HSPA8: variants seen among roughly 807,000 people sequenced by gnomAD.
HSPA8 encodes the protein heat shock protein family A (Hsp70) member 8.
In HSPA8, 2 loss-of-function variants were observed where a neutral mutation model predicts 52.8. The observed-to-expected ratio is 0.04, with a 90% CI of 0.02 to 0.12. HSPA8 has a LOEUF of 0.12. Among genes scored for constraint, HSPA8 ranks in the 10% least tolerant of loss-of-function variants. The pLI is 1.00. For synonymous variants in HSPA8, 436 were observed against 274.0 expected, an observed-to-expected ratio of 1.59 and a Z score of -5.84; for missense variants, 349 against 800.5, an observed-to-expected ratio of 0.44 and a Z score of 6.81.
chr11:123,058,927 A>G, intron 6 of HSPA8, 97 bp from the exon 7 acceptor site: 2 of 1,400,116 alleles, frequency 1.4e-6, no homozygotes, highest in Non-Finnish European at 2.0e-6. Flanking sequence ...ACATCCAAGG[A>G]AGGAACTGGC....
chr11:123,060,089 C>G (rs1013205195), intron 4 of HSPA8, 27 bp downstream of exon 4: 1 of 1,613,984 alleles, frequency 6.2e-7, no homozygotes, highest in South Asian at 1.1e-5. Flanking sequence ...TAAAATAATC[C>G]GAACTTGCAT....
At chr11:123,062,017 C>G (rs772253942) in intron 1 of HSPA8, 47 bp downstream of exon 1, 10 of 153,494 alleles carry the variant, frequency 6.5e-5, no homozygotes, top group African/African-American at 1.9e-4. Flanking sequence ...TGTGTGGAGG[C>G]TGCACGCTCC....
intron 7 of HSPA8, 72 bp downstream of exon 7, chr11:123,058,560 C>G: frequency 1.3e-6 from 2 of 1,560,344 alleles, no homozygotes; most frequent in South Asian, 2.2e-5. Flanking sequence ...CTTAGCTAGA[C>G]GCCCTTAGGC....
Position 123,059,400 on chromosome 11 carries a change from T to TG in HSPA8, c.1120+72_1120+73insC, listed in dbSNP as rs1555074466. 352 of 1,428,066 alleles carry TG rather than the reference T, an allele frequency of 2.5e-4. 3 individuals are homozygous for TG. The highest frequency in any genetic ancestry group is 2.3e-3 in the African/African-American group (160 of 70,396). 88.5% of individuals were successfully genotyped at this position (1,428,066 alleles called of 1,614,324 possible). On this transcript the variant is annotated intron_variant, in intron 5 of 8. Coordinates refer to ENST00000534624, the MANE Select transcript of HSPA8 (RefSeq NM_006597.6). ...AGCTTTTGGTGGAAACTACGAATGT[T>TG]TAACAATCACTCATCACAGCGAGTC... is the stretch of plus-strand genomic sequence containing the variant.
At position 123,060,045 on chromosome 11, in the gene HSPA8, T is replaced by C. The variant is rs200266481; in HGVS notation, c.565-17A>G. The C allele has an allele frequency of 6.2e-7, 1 of 1,613,884 alleles. No individual in the cohort carries two copies. The highest frequency in any genetic ancestry group is 1.3e-5 in the African/African-American group (1 of 74,888). Reference sequence around the variant, plus strand: ...TGCTCCAACCTGCCGTTAAAAACAATCTCATTTAAATTTACGATGGATCAA... The same window carrying C: ...TGCTCCAACCTGCCGTTAAAAACAACCTCATTTAAATTTACGATGGATCAA... On this transcript the variant is annotated splice_polypyrimidine_tract_variant and intron_variant, in intron 4 of 8. Coordinates refer to ENST00000534624, the MANE Select transcript of HSPA8 (RefSeq NM_006597.6).
rs748355748 is a variant in HSPA8 at position 123,059,203 on chromosome 11, G to A, written c.1179C>T (p.Leu393=). Residue 393 remains leucine, a synonymous_variant, in exon 6 of 9, where the codon CTC becomes CTT. Coordinates refer to ENST00000534624, the MANE Select transcript of HSPA8 (RefSeq NM_006597.6). ...CAAGGGAAAGAGGAGTGACATCCAA[G>A]AGCAGCAAATCTTGAACATTCTCAG... The part of the protein sequence containing the change: ...DKSENVQDLL[L]LDVTPLSLGI... The A allele has an allele frequency of 8.7e-6, 14 of 1,612,298 alleles. No homozygotes were observed. The highest frequency in any genetic ancestry group is 1.1e-5 in the Non-Finnish European group (13 of 1,179,948).
Position 123,058,296 on chromosome 11 carries a change from G to A in HSPA8, c.1711C>T (p.Leu571=). Residue 571 remains leucine, a synonymous_variant, in exon 8 of 9, where the codon CTG becomes TTG. Coordinates refer to ENST00000534624, the MANE Select transcript of HSPA8 (RefSeq NM_006597.6). The part of the protein sequence containing the change: ...KINDEDKQKI[L]DKCNEIINWL... ...TTGATAATTTCATTACACTTGTCCA[G>A]AATCTTCTGTTTGTCCTCATCGTTA... is the stretch of plus-strand genomic sequence containing the variant. 4 of 1,609,350 alleles carry A rather than the reference G, an allele frequency of 2.5e-6. No homozygotes were observed. Among genetic ancestry groups the A allele is most frequent in the South Asian group, 1.1e-5 (1 of 90,934 alleles).
At chr11:123,058,155 ATT>A in intron 8 of HSPA8, 95 bp downstream of exon 8, 2 of 850,594 alleles carry the variant, frequency 2.4e-6, no homozygotes, top group African/African-American at 1.8e-5. Context: ...ACCATTCATC[ATT>A]GTGACCCTAC....
chr11:123,061,117 C>CA lies in HSPA8; in HGVS notation c.205+2dup. 2 of 1,612,574 alleles carry CA rather than the reference C, an allele frequency of 1.2e-6. No individual in the cohort carries two copies. Among genetic ancestry groups the CA allele is most frequent in the South Asian group, 1.1e-5 (1 of 91,034 alleles). On this transcript the variant is annotated splice_region_variant and intron_variant, in intron 2 of 8. Coordinates refer to ENST00000534624, the MANE Select transcript of HSPA8 (RefSeq NM_006597.6). ...GTTCTGTCATTTAAAATTAGGAACTCACCAAAAACTGTGTTGGTGGGGTTC... is the reference window on the plus strand; with the variant it reads ...GTTCTGTCATTTAAAATTAGGAACTCAACCAAAAACTGTGTTGGTGGGGTTC...
chr11:123,061,734 C>A, intron 1 of HSPA8: 1 of 202,756 alleles, frequency 4.9e-6, no homozygotes, highest in East Asian at 1.3e-4. Flanking sequence ...CTGGACTAAG[C>A]AGGGAACTGG....
chr11:123,061,367 AT>A, intron 1 of HSPA8, 38 bp from the exon 2 acceptor site: 4 of 1,480,706 alleles, frequency 2.7e-6, no homozygotes, highest in Non-Finnish European at 3.8e-6. Context: ...AATTCAATTA[AT>A]CAAAATATTT....
intron 1 of HSPA8, 139 bp from the exon 2 acceptor site, chr11:123,061,468 C>T (rs1865499366): frequency 5.8e-6 from 4 of 683,886 alleles, no homozygotes; most frequent in Non-Finnish European, 1.0e-5. Flanking sequence ...TCTAAGCACG[C>T]GCGAGGTCCA....
chr11:123,058,017 C>T, intron 8 of HSPA8, 98 bp from the exon 9 acceptor site: 1 of 980,490 alleles, frequency 1.0e-6, no homozygotes, highest in East Asian at 2.4e-5. Flanking sequence ...GGCGCAAACT[C>T]TTACAAGAGG....
chr11:123,058,078 C>A, intron 8 of HSPA8, 159 bp from the exon 9 acceptor site: 1 of 716,622 alleles, frequency 1.4e-6, no homozygotes, highest in Non-Finnish European at 2.3e-6. Flanking sequence ...CATCTTGGGT[C>A]ACTCAGACAT....
intron 1 of HSPA8, chr11:123,061,555 C>A (rs868044959): frequency 1.8e-6 from 1 of 566,782 alleles, no homozygotes; most frequent in East Asian, 3.0e-5. Context: ...TCTACCCAGA[C>A]GGCGTGGGGC....
rs768751431 is a variant in HSPA8, at chr11:123,059,039, A to G, written c.1323+20T>C. 6 of 1,602,096 alleles carry G rather than the reference A, an allele frequency of 3.7e-6. No individual in the cohort carries two copies. The East Asian group carries it at 6.7e-5, about 18-fold the overall frequency. On this transcript the variant is annotated intron_variant, in intron 6 of 8. Coordinates refer to ENST00000534624, the MANE Select transcript of HSPA8 (RefSeq NM_006597.6). Reference sequence around the variant, plus strand: ...TTATCTGTTATCAGTAAGCCAAACAAGAGAAGTACAGAAACATACCTGAAT... The same window carrying G: ...TTATCTGTTATCAGTAAGCCAAACAGGAGAAGTACAGAAACATACCTGAAT...
intron 3 of HSPA8, 109 bp from the exon 4 acceptor site, chr11:123,060,377 C>A (rs1252910955): frequency 4.6e-6 from 5 of 1,091,606 alleles, no homozygotes; most frequent in South Asian, 2.8e-5. Context: ...ACCCCCCCCA[C>A]CAAAATGTAA....
chr11:123,060,011 G>A lies in HSPA8; in HGVS notation c.582C>T (p.Asn194=), dbSNP rs779126635. The change falls in exon 5 of 9, where the codon AAC becomes AAT. Residue 194 remains asparagine, a synonymous_variant. Coordinates refer to ENST00000534624, the MANE Select transcript of HSPA8 (RefSeq NM_006597.6). ...GLDKKVGAER[N]VLIFDLGGGT... ...CACCTCCCAGGTCAAAGATGAGCACGTTTCTTTCTGCTCCAACCTGCCGTT... is the reference window on the plus strand; with the variant it reads ...CACCTCCCAGGTCAAAGATGAGCACATTTCTTTCTGCTCCAACCTGCCGTT... The A allele has an allele frequency of 5.0e-5, 81 of 1,613,644 alleles. No individual in the cohort carries two copies. Among genetic ancestry groups the A allele is most frequent in the Non-Finnish European group, 6.3e-5 (74 of 1,179,858 alleles).
intron 6 of HSPA8, 77 bp from the exon 7 acceptor site, chr11:123,058,907 G>T: frequency 1.4e-6 from 2 of 1,471,618 alleles, no homozygotes; most frequent in Non-Finnish European, 1.9e-6. Flanking sequence ...AAGGAAGAAT[G>T]GTCGCTCAAA....
Sources: allele counts gnomAD v4.1 joint callset, GRCh38; gene constraint gnomAD v4.1.1; transcripts MANE v1.5; gene names NCBI Gene and HGNC (gene_info 2026-07-23, HGNC 2026-07-21).